PHRF1: variants seen among roughly 807,000 people sequenced by gnomAD.
PHRF1 encodes the protein PHD and RING finger domain-containing protein 1.
PHRF1 carries 53 observed loss-of-function variants against 128.9 expected under a neutral mutation model. The ratio of observed to expected loss-of-function variants is 0.41; its 90% CI spans 0.33 to 0.52. The LOEUF is 0.52. Among genes scored for constraint, PHRF1 ranks in the 20% least tolerant of loss-of-function variants. PHRF1 has a pLI of 0.21. For missense variants in PHRF1, 2,503 were observed against 2,284.5 expected (o/e 1.10, Z -1.95); for synonymous variants, 1,178 against 980.6 (o/e 1.20, Z -3.76).
chr11:581,529 T>G lies in PHRF1; in HGVS notation c.17T>G (p.Leu6Arg), dbSNP rs1564837257. The G allele has an allele frequency of 6.2e-7, 1 of 1,613,506 alleles. No individual in the cohort carries two copies. ...TGTGCAGCAATGGATGACGACAGCC[T>G]GGATGAGCTTGTGGCCCGGAGCCCA... MDDDS[L>R]DELVARSPGP... Residue 6 changes from leucine (L) to arginine (R), a missense_variant, in exon 2 of 18, where the codon CTG becomes CGG. Transcript: ENST00000264555.
At chr11:596,464 T>G (rs1006746498) in intron 6 of PHRF1, among the ~76,000 whole-genome samples, 1 of 152,224 alleles carries the variant, frequency 6.6e-6, no homozygotes, top group Non-Finnish European at 1.5e-5. Context: ...AGGCAGCACC[T>G]ACCGCAGGAG....
At chr11:594,930 TA>T (rs1371958835) in intron 6 of PHRF1, among the ~76,000 whole-genome samples, 1 of 152,230 alleles carries the variant, frequency 6.6e-6, no homozygotes, top group African/African-American at 2.4e-5. Context: ...CTGGTGGATC[TA>T]AAACATTAAA....
At chr11:603,327 G>A (rs1439358216) in intron 10 of PHRF1, among the ~76,000 whole-genome samples, 1 of 152,056 alleles carries the variant, frequency 6.6e-6, no homozygotes, top group Non-Finnish European at 1.5e-5. Flanking sequence ...AGTGTTGTTT[G>A]TTTGTTTGTT....
chr11:587,532 C>G (rs888688069), intron 4 of PHRF1, 68 bp downstream of exon 4: 3 of 1,500,752 alleles, frequency 2.0e-6, no homozygotes, highest in African/African-American at 2.8e-5. Context: ...GTGACCCAGC[C>G]TGTGTTCAGC....
At chr11:594,437 C>T (rs1855166775) in intron 6 of PHRF1, among the ~76,000 whole-genome samples, 1 of 152,154 alleles carries the variant, frequency 6.6e-6, no homozygotes, top group Admixed American at 6.5e-5. Context: ...TTATTTTTTT[C>T]AAGGCAGAGT....
chr11:577,466 C>G (rs754168226), intron 1 of PHRF1, among the ~76,000 whole-genome samples: 4 of 152,232 alleles, frequency 2.6e-5, no homozygotes, highest in Non-Finnish European at 5.9e-5. Flanking sequence ...TAGTTGATCT[C>G]TCTCCTGGAC....
intron 3 of PHRF1, among the ~76,000 whole-genome samples, chr11:583,927 C>T (rs772053685): frequency 3.3e-4 from 51 of 152,330 alleles, no homozygotes; most frequent in Non-Finnish European, 6.5e-4. Context: ...CACTACTTTC[C>T]TTCTGACATC....
chr11:595,331 TAGATACACTGACATTACATGAAATA>T (rs1564850592), intron 6 of PHRF1, among the ~76,000 whole-genome samples: 1 of 152,230 alleles, frequency 6.6e-6, no homozygotes, highest in Non-Finnish European at 1.5e-5. Flanking sequence ...ACACTATCTG[TAGATACACTGACATTACATGAAATA>T]AGATACAGTT....
At position 589,111 on chromosome 11, in the gene PHRF1, G is replaced by A. The variant is rs535451477; in HGVS notation, c.420+1647G>A. Among the ~76,000 whole-genome samples, 6 of 151,716 alleles carry A rather than the reference G, an allele frequency of 4.0e-5. No individual in the cohort carries two copies. The East Asian group carries it at 7.7e-4, about 20-fold the overall frequency. The stretch of plus-strand genomic sequence containing the variant: ...AGATTGCACCACTGCACTCCAGCCC[G>A]GCGACAGAGCAAGACACTGTCTCAA... On this transcript the variant is annotated intron_variant, in intron 4 of 17. Transcript: ENST00000264555.
chr11:605,886 G>A (rs939109523), intron 12 of PHRF1, among the ~76,000 whole-genome samples, 162 bp downstream of exon 12: 1 of 152,248 alleles, frequency 6.6e-6, no homozygotes, highest in African/African-American at 2.4e-5. Flanking sequence ...GCGTGAGGCA[G>A]TGCTGCAGCC....
At chr11:594,939 A>T (rs1855196099) in intron 6 of PHRF1, among the ~76,000 whole-genome samples, 2 of 152,276 alleles carry the variant, frequency 1.3e-5, no homozygotes, top group African/African-American at 4.8e-5. Context: ...CTAAAACATT[A>T]AAACTGATCA....
chr11:586,964 C>G (rs1025572046), intron 3 of PHRF1, among the ~76,000 whole-genome samples: 1 of 152,150 alleles, frequency 6.6e-6, no homozygotes. Context: ...CCCTGCCTCT[C>G]GAGGTCTGCC....
rs998440883 is a variant in PHRF1 at position 581,823 on chromosome 11, C to T, written c.95-139C>T. ...GGATGTTCCCTTTCCTTGCTTGTGCCCCCACCTTGCCGGCCCTGGGGAAGC... is the reference window on the plus strand; with the variant it reads ...GGATGTTCCCTTTCCTTGCTTGTGCTCCCACCTTGCCGGCCCTGGGGAAGC... On this transcript the variant is annotated intron_variant, in intron 2 of 17. Coordinates refer to ENST00000264555, the MANE Select transcript of PHRF1 (RefSeq NM_001286581.2). 2.3e-6 allele frequency: 3 copies of T among 1,287,004 alleles called. No individual in the cohort carries two copies. In the African/African-American group the frequency reaches 4.5e-5, roughly 19 times the overall value. 79.7% of individuals were successfully genotyped at this position (1,287,004 alleles called of 1,614,324 possible). A position where few individuals can be genotyped will look rare whatever the true frequency, so the allele number is the denominator to read the frequency against.
In PHRF1 at chr11:608,843, G is replaced by A; in HGVS notation, c.3387G>A (p.Leu1129=). 1 of 1,612,320 alleles carries A rather than the reference G, an allele frequency of 6.2e-7. No individual in the cohort carries two copies. The highest frequency in any genetic ancestry group is 8.5e-7 in the Non-Finnish European group (1 of 1,179,822). The change falls in exon 14 of 18, where the codon CTG becomes CTA. Residue 1129 remains leucine (L), a synonymous_variant. Transcript: ENST00000264555. ...RGRECSPTSS[L]ERLCRHKHQR... ...GGGAGTGCTCCCCCACCAGCAGCCT[G>A]GAGAGGCTCTGCAGGCACAAGCATC...
rs1856116004 is a variant in PHRF1, at chr11:608,570, T to G, written c.3114T>G (p.Gly1038=). 2 of 1,612,118 alleles carry G rather than the reference T, an allele frequency of 1.2e-6. No individual in the cohort carries two copies. The highest frequency in any genetic ancestry group is 1.3e-5 in the African/African-American group (1 of 74,998). The part of the protein sequence containing the change: ...RSSRSASPSV[G]EERPRRQRSK... Reference sequence around the variant, plus strand: ...CGAGGTCAGCGTCACCATCAGTGGGTGAGGAGCGCCCCAGGAGGCAGCGGT... The same window carrying G: ...CGAGGTCAGCGTCACCATCAGTGGGGGAGGAGCGCCCCAGGAGGCAGCGGT... Residue 1038 remains glycine (G), a synonymous_variant, in exon 14 of 18, where the codon GGT becomes GGG. Coordinates refer to ENST00000264555, the MANE Select transcript of PHRF1 (RefSeq NM_001286581.2).
chr11:606,669 C>G lies in PHRF1; in HGVS notation c.1609+73C>G, dbSNP rs745736481. 1.4e-4 allele frequency: 204 copies of G among 1,498,152 alleles called. 1 individual carries two copies. Among genetic ancestry groups the G allele is most frequent in the Non-Finnish European group, 1.7e-4 (196 of 1,125,680 alleles). 92.8% of individuals were successfully genotyped at this position (1,498,152 alleles called of 1,614,324 possible). A position where few individuals can be genotyped will look rare whatever the true frequency, so the allele number is the denominator to read the frequency against. Reference sequence around the variant, plus strand: ...CTCAGGCTGTTCGCAAGCACTCAGCCCATGTCTCAGTCACGGAAGATGTAG... The same window carrying G: ...CTCAGGCTGTTCGCAAGCACTCAGCGCATGTCTCAGTCACGGAAGATGTAG... On this transcript the variant is annotated intron_variant, in intron 13 of 17. Transcript: ENST00000264555.
At chr11:605,062 C>G in intron 10 of PHRF1, 57 bp from the exon 11 acceptor site, 1 of 1,515,560 alleles carries the variant, frequency 6.6e-7, no homozygotes, top group Non-Finnish European at 9.0e-7. Context: ...TTTACAGAGC[C>G]CTCGTAGATG....
intron 10 of PHRF1, 31 bp from the exon 11 acceptor site, chr11:605,088 T>C (rs1271778355): frequency 3.8e-6 from 6 of 1,586,914 alleles, no homozygotes; most frequent in Middle Eastern, 1.7e-4. Context: ...CCCGTCTCTC[T>C]GTTCATCTTT....
intron 12 of PHRF1, among the ~76,000 whole-genome samples, 182 bp from the exon 13 acceptor site, chr11:606,260 C>G (rs139846982): frequency 0.011 from 1,660 of 152,346 alleles, 7 homozygotes; most frequent in Non-Finnish European, 0.017. Flanking sequence ...CTCCCTCCCT[C>G]CCTCTGGGAG....
Sources: allele counts gnomAD v4.1 joint callset (sites outside exome capture counted in the v4.1 genomes callset), GRCh38; gene constraint gnomAD v4.1.1; transcripts MANE v1.5; gene names NCBI Gene and HGNC (gene_info 2026-07-23, HGNC 2026-07-21).